CPM: variants seen among roughly 807,000 people sequenced by gnomAD.
CPM encodes the protein renal carboxypeptidase.
Under a neutral mutation model 46.4 loss-of-function variants are expected in CPM, and 35 were observed. That is an observed-to-expected ratio of 0.75 (90% CI 0.58 to 1.00). The LOEUF is 1.00. Ranked by LOEUF, CPM falls within the 50% of genes least tolerant of loss-of-function variation. The probability of loss-of-function intolerance (pLI) is 0.00; values close to 1 mark genes in which losing one functional copy is unlikely to be tolerated. For missense variants in CPM, 422 were observed against 530.4 expected (o/e 0.80, Z 2.01); for synonymous variants, 195 against 195.3 (o/e 1.00, Z 0.01).
At chr12:68,932,982 A>G (rs1157606141) in intron 1 of CPM, 142 bp from the exon 2 acceptor site, 1 of 703,554 alleles carries the variant, frequency 1.4e-6, no homozygotes, top group African/African-American at 1.8e-5. Context: ...GCTGGAAGCA[A>G]CACCTTCGGG....
At chr12:68,903,604 T>A (rs749262651) in intron 2 of CPM, among the ~76,000 whole-genome samples, 4 of 152,234 alleles carry the variant, frequency 2.6e-5, no homozygotes, top group Non-Finnish European at 5.9e-5. Flanking sequence ...GTTTACCCGT[T>A]CATTAAAGCA....
intron 2 of CPM, among the ~76,000 whole-genome samples, chr12:68,893,881 C>G (rs1886758539): frequency 6.6e-6 from 1 of 152,150 alleles, no homozygotes; most frequent in African/African-American, 2.4e-5. Context: ...GGAACCATGT[C>G]CCCTGCACTT....
intron 2 of CPM, among the ~76,000 whole-genome samples, chr12:68,923,207 GTGTGTGTT>G (rs1442904543): frequency 2.0e-3 from 274 of 137,180 alleles, no homozygotes; most frequent in African/African-American, 7.6e-3. Context: ...GTGTGTGTGT[GTGTGTGTT>G]TTGAGTAATT....
chr12:68,932,572 C>T lies in CPM; in HGVS notation c.160+106G>A, dbSNP rs571720491. ...GTACCGGTTGACTTGTTCTGTGCCA[C>T]TCAGAGTAGGTGCGTGGAAGAGCAG... On this transcript the variant is annotated intron_variant, in intron 2 of 8. Coordinates refer to ENST00000551568, the MANE Select transcript of CPM (RefSeq NM_198320.5). 14 of 1,361,766 alleles carry T rather than the reference C, an allele frequency of 1.0e-5. No homozygotes were observed. The African/African-American group carries it at 2.0e-4, about 20-fold the overall frequency. 84.4% of individuals were successfully genotyped at this position (1,361,766 alleles called of 1,614,324 possible).
chr12:68,940,658 C>A (rs1331497572), intron 1 of CPM, among the ~76,000 whole-genome samples: 3 of 151,390 alleles, frequency 2.0e-5, no homozygotes, highest in Admixed American at 1.3e-4. Flanking sequence ...CTTTGGTCTC[C>A]AAACGTTTGA....
chr12:68,886,428 C>T (rs1281568416), intron 2 of CPM, among the ~76,000 whole-genome samples: 7 of 151,964 alleles, frequency 4.6e-5, no homozygotes, highest in African/African-American at 1.4e-4. Flanking sequence ...GTCAGGAGAT[C>T]GAGACCATCC....
At chr12:68,876,055 T>C (rs1395994062) in intron 3 of CPM, among the ~76,000 whole-genome samples, 1 of 152,212 alleles carries the variant, frequency 6.6e-6, no homozygotes, top group Non-Finnish European at 1.5e-5. Flanking sequence ...TATTTCTGGG[T>C]ACAGTATTCT....
At chr12:68,874,121 A>G (rs1258799530) in intron 3 of CPM, among the ~76,000 whole-genome samples, 1 of 152,020 alleles carries the variant, frequency 6.6e-6, no homozygotes, top group Non-Finnish European at 1.5e-5. Flanking sequence ...TTGTTTTTAT[A>G]GTCAAAATTG....
At chr12:68,897,676 G>T (rs1353480568) in intron 2 of CPM, among the ~76,000 whole-genome samples, 2 of 148,996 alleles carry the variant, frequency 1.3e-5, no homozygotes, top group East Asian at 3.9e-4. Flanking sequence ...AGCAGAGGTT[G>T]CAGTGAGTGG....
chr12:68,844,541 A>G (rs1884099012), intron 5 of CPM: 2 of 228,146 alleles, frequency 8.8e-6, no homozygotes, highest in South Asian at 3.6e-4. Flanking sequence ...ACCACTTGTC[A>G]GCGTGAAAAG....
intron 3 of CPM, among the ~76,000 whole-genome samples, chr12:68,880,824 T>C (rs1886157618): frequency 6.6e-6 from 1 of 152,224 alleles, no homozygotes; most frequent in Non-Finnish European, 1.5e-5. Context: ...ATTATTTTCT[T>C]GTAAAGCACT....
At chr12:68,932,589 G>A in intron 2 of CPM, 89 bp downstream of exon 2, 1 of 1,486,464 alleles carries the variant, frequency 6.7e-7, no homozygotes, top group Non-Finnish European at 9.3e-7. Context: ...TAGGTGCGTG[G>A]AAGAGCAGAC....
At chr12:68,959,025 G>GC (rs750100177) in intron 1 of CPM, among the ~76,000 whole-genome samples, 5 of 152,022 alleles carry the variant, frequency 3.3e-5, no homozygotes, top group African/African-American at 1.2e-4. Flanking sequence ...CTTAGATGTA[G>GC]CCCCCAGTTC....
chr12:68,910,050 T>A (rs983413180), intron 2 of CPM, among the ~76,000 whole-genome samples: 2 of 152,020 alleles, frequency 1.3e-5, no homozygotes, highest in African/African-American at 4.8e-5. Context: ...GCATCATCAA[T>A]GAAAGAAAGA....
chr12:68,845,545 T>C (rs1884227688), intron 5 of CPM: 1 of 187,910 alleles, frequency 5.3e-6, no homozygotes, highest in African/African-American at 2.3e-5. Flanking sequence ...TTGATTGTCT[T>C]TAGAGAGAGG....
Position 68,917,714 on chromosome 12 carries a change from T to C in CPM, c.160+14964A>G, listed in dbSNP as rs116166643. Among the ~76,000 whole-genome samples the C allele has an allele frequency of 8.3e-3, 1,271 of 152,318 alleles. 16 individuals carry two copies. Among genetic ancestry groups the C allele is most frequent in the African/African-American group, 0.029 (1,207 of 41,568 alleles). ...GTCAAAATATATCAAGACAGTATCATTGTTTAAAGTTGACATGAAGATTCC... is the reference window on the plus strand; with the variant it reads ...GTCAAAATATATCAAGACAGTATCACTGTTTAAAGTTGACATGAAGATTCC... On this transcript the variant is annotated intron_variant, in intron 2 of 8. Transcript: ENST00000551568.
intron 1 of CPM, among the ~76,000 whole-genome samples, chr12:68,938,891 A>T (rs1443494932): frequency 1.3e-5 from 2 of 148,600 alleles, no homozygotes; most frequent in Non-Finnish European, 3.0e-5. Flanking sequence ...CTATTTATAT[A>T]TGTACATACA....
Position 68,866,937 on chromosome 12 carries a change from T to C in CPM, c.899A>G (p.Asn300Ser). The C allele has an allele frequency of 6.2e-7, 1 of 1,614,118 alleles. No homozygotes were observed. The highest frequency in any genetic ancestry group is 1.1e-5 in the South Asian group (1 of 91,046). Residue 300 changes from asparagine to serine, a missense_variant, in exon 7 of 9, where the codon AAC (asparagine) becomes AGC (serine). Asn to Ser is a conservative substitution (Grantham distance 46). Coordinates refer to ENST00000551568, the MANE Select transcript of CPM (RefSeq NM_198320.5). The stretch of plus-strand genomic sequence containing the variant: ...TATATATTCAATTAATGAGGCTTTG[T>C]TATTATTCCAAAAGGATGGAAGCTT... ...EEKLPSFWNN[N>S]KASLIEYIKQ...
chr12:68,891,895 G>A (rs573776757), intron 2 of CPM, among the ~76,000 whole-genome samples: 131 of 152,138 alleles, frequency 8.6e-4, no homozygotes, highest in African/African-American at 3.0e-3. Context: ...TGCCACCACG[G>A]CCAACTCATG....
Sources: gnomAD v4.1 joint callset for allele counts (sites outside exome capture counted in the v4.1 genomes callset) on GRCh38, gnomAD v4.1.1 for gene constraint, MANE v1.5 for transcripts, NCBI Gene and HGNC (gene_info 2026-07-23, HGNC 2026-07-21) for gene names.